Variants in TTC24 observed in about 807,000 individuals in gnomAD.
The protein encoded by TTC24 is tetratricopeptide repeat domain 24.
A neutral mutation model predicts 63.3 loss-of-function variants in TTC24; 54 were observed. The observed-to-expected ratio is 0.85, with a 90% CI of 0.69 to 1.07. TTC24 has a LOEUF of 1.07. Among genes scored for constraint, TTC24 ranks in the 50% least tolerant of loss-of-function variants. The probability of loss-of-function intolerance (pLI) is 0.00; values close to 1 mark genes in which losing one functional copy is unlikely to be tolerated. For synonymous variants in TTC24, 276 were observed against 304.3 expected, an observed-to-expected ratio of 0.91 and a Z score of 0.97; for missense variants, 680 against 730.5, an observed-to-expected ratio of 0.93 and a Z score of 0.80.
intron 8 of TTC24, 191 bp downstream of exon 8, chr1:156,585,422 G>A (rs1677130619): frequency 1.7e-6 from 1 of 598,296 alleles, no homozygotes; most frequent in Non-Finnish European, 3.0e-6. Flanking sequence ...GTCCCCAACA[G>A]CCCTCCCATG....
chr1:156,582,336 A>G lies in TTC24; in HGVS notation c.812A>G (p.Glu271Gly). The G allele has an allele frequency of 6.2e-7, 1 of 1,608,448 alleles. No individual in the cohort carries two copies. The highest frequency in any genetic ancestry group is 8.5e-7 in the Non-Finnish European group (1 of 1,177,604). ...CTGCCCCTGTGCTGGGTGCCAGGAGAGCAGGCCACAGTGCTAAGAAACCTC... is the reference window on the plus strand; with the variant it reads ...CTGCCCCTGTGCTGGGTGCCAGGAGGGCAGGCCACAGTGCTAAGAAACCTC... ...QALPLCWVPG[E>G]QATVLRNLGM... Residue 271 changes from glutamate (E) to glycine (G), a missense_variant, in exon 3 of 11, where the codon GAG becomes GGG. Physicochemically the swap from Glu to Gly is moderately conservative, Grantham distance 98. Transcript: ENST00000368236.
Position 156,583,153 on chromosome 1 carries a change from AGGCTGCCCGGGACTCT to A in TTC24, c.1025_1039+1del, listed in dbSNP as rs777112694. On this transcript the variant is annotated frameshift_variant and splice_region_variant, in exon 4 of 11. Transcript: ENST00000368236. LOFTEE classifies it high-confidence loss of function. The surrounding 1 kb of genome is among the most constrained non-coding windows in gnomAD (Gnocchi z 4.0). ...AGAGACAACTACCTGCATGCCCTGC[AGGCTGCCCGGGACTCT>A]GGTAAGCGTGAGAGGGTTGGGATGT... is the stretch of plus-strand genomic sequence containing the variant. The A allele has an allele frequency of 6.2e-7, 1 of 1,611,878 alleles. No individual in the cohort carries two copies. The highest frequency in any genetic ancestry group is 8.5e-7 in the Non-Finnish European group (1 of 1,179,160).
chr1:156,583,657 A>G lies in TTC24; in HGVS notation c.1153-140A>G. On this transcript the variant is annotated intron_variant, in intron 5 of 10. Transcript: ENST00000368236. This position sits in a 1 kb window ranked among gnomAD's most constrained non-coding sequence, Gnocchi z 4.0. The stretch of plus-strand genomic sequence containing the variant: ...GGGCAGGTGGTGGCAGGACCCTGGG[A>G]AAGGCATGGGGATGGGGTAGAAGAG... 1 of 928,310 alleles carries G rather than the reference A, an allele frequency of 1.1e-6. No individual in the cohort carries two copies. Among genetic ancestry groups the G allele is most frequent in the Non-Finnish European group, 1.7e-6 (1 of 605,288 alleles). 57.5% of individuals were successfully genotyped at this position (928,310 alleles called of 1,614,324 possible).
At chr1:156,581,021 A>C (rs1229653125) in intron 1 of TTC24, among the ~76,000 whole-genome samples, 1 of 152,194 alleles carries the variant, frequency 6.6e-6, no homozygotes, top group Non-Finnish European at 1.5e-5. Flanking sequence ...CAATAAAGTC[A>C]TCAGCTCTGA....
chr1:156,581,679 C>G lies in TTC24; in HGVS notation c.315C>G (p.Ala105=), dbSNP rs1201050232. ...PARGLELLLR[A]HPEEKAQGRR... ...GAGGCCTTGAGCTACTCCTGCGAGC[C>G]CACCCTGAAGAGAAGGCACAGGGCA... is the stretch of plus-strand genomic sequence containing the variant. The change falls in exon 2 of 11, where the codon GCC becomes GCG. Residue 105 remains alanine, a synonymous_variant. Coordinates refer to ENST00000368236, the MANE Select transcript of TTC24 (RefSeq NM_001105669.4). The G allele has an allele frequency of 3.2e-6, 5 of 1,551,752 alleles. No individual in the cohort carries two copies. The highest frequency in any genetic ancestry group is 4.4e-6 in the Non-Finnish European group (5 of 1,147,008).
intron 1 of TTC24, among the ~76,000 whole-genome samples, chr1:156,580,721 C>T (rs1037558814): frequency 1.3e-5 from 2 of 152,138 alleles, no homozygotes; most frequent in Admixed American, 1.3e-4. Flanking sequence ...CGTGATCTGC[C>T]CACCTCAGCC....
Position 156,583,577 on chromosome 1 carries a change from G to A in TTC24, c.1152+127G>A. 2.2e-6 allele frequency: 2 copies of A among 892,108 alleles called. No homozygotes were observed. The highest frequency in any genetic ancestry group is 2.2e-4 in the Middle Eastern group (1 of 4,502). The allele number at this position is 892,108 out of a possible 1,614,324, so 55.3% of individuals were successfully genotyped here. A position where few individuals can be genotyped will look rare whatever the true frequency, so the allele number is the denominator to read the frequency against. On this transcript the variant is annotated intron_variant, in intron 5 of 10. Transcript: ENST00000368236. This position sits in a 1 kb window ranked among gnomAD's most constrained non-coding sequence, Gnocchi z 4.0. ...AGCAAACATGCACTGGACACACTGTGTGCTAGGTCTTGGGATACTATTGTG... is the reference window on the plus strand; with the variant it reads ...AGCAAACATGCACTGGACACACTGTATGCTAGGTCTTGGGATACTATTGTG...
In TTC24 at chr1:156,583,174, A is replaced by G. The variant is rs529047263; in HGVS notation, c.1039+4A>G. The G allele has an allele frequency of 8.7e-6, 14 of 1,609,608 alleles. No individual in the cohort carries two copies. The African/African-American group carries it at 1.8e-4, about 20-fold the overall frequency. ...CTGCAGGCTGCCCGGGACTCTGGTAAGCGTGAGAGGGTTGGGATGTGACTG... is the reference window on the plus strand; with the variant it reads ...CTGCAGGCTGCCCGGGACTCTGGTAGGCGTGAGAGGGTTGGGATGTGACTG... On this transcript the variant is annotated splice_donor_region_variant and intron_variant, in intron 4 of 10. Transcript: ENST00000368236. This position sits in a 1 kb window ranked among gnomAD's most constrained non-coding sequence, Gnocchi z 4.0.
chr1:156,583,502 C>A lies in TTC24; in HGVS notation c.1152+52C>A. On this transcript the variant is annotated intron_variant, in intron 5 of 10. Coordinates refer to ENST00000368236, the MANE Select transcript of TTC24 (RefSeq NM_001105669.4). The surrounding 1 kb of genome is among the most constrained non-coding windows in gnomAD (Gnocchi z 4.0). Reference sequence around the variant, plus strand: ...CTCTCCCCTGCTATCCCTCTTCTGGCTGACATTCCTGCCTTCACTCCTTGT... The same window carrying A: ...CTCTCCCCTGCTATCCCTCTTCTGGATGACATTCCTGCCTTCACTCCTTGT... 7.1e-7 allele frequency: 1 copy of A among 1,413,552 alleles called. No individual in the cohort carries two copies. Among genetic ancestry groups the A allele is most frequent in the Non-Finnish European group, 9.6e-7 (1 of 1,040,650 alleles). The allele number at this position is 1,413,552 out of a possible 1,614,324, so 87.6% of individuals were successfully genotyped here. A position where few individuals can be genotyped will look rare whatever the true frequency, so the allele number is the denominator to read the frequency against.
Position 156,583,551 on chromosome 1 carries a change from C to A in TTC24, c.1152+101C>A. 1 of 1,014,468 alleles carries A rather than the reference C, an allele frequency of 9.9e-7. No individual in the cohort carries two copies. The highest frequency in any genetic ancestry group is 1.4e-6 in the Non-Finnish European group (1 of 690,170). The allele number at this position is 1,014,468 out of a possible 1,614,324, so 62.8% of individuals were successfully genotyped here. A position where few individuals can be genotyped will look rare whatever the true frequency, so the allele number is the denominator to read the frequency against. ...GTCTTCTCCCCATCACTCACTCAAT[C>A]AGCAAACATGCACTGGACACACTGT... On this transcript the variant is annotated intron_variant, in intron 5 of 10. Coordinates refer to ENST00000368236, the MANE Select transcript of TTC24 (RefSeq NM_001105669.4). The surrounding 1 kb of genome is among the most constrained non-coding windows in gnomAD (Gnocchi z 4.0).
Position 156,586,748 on chromosome 1 carries a change from T to C in TTC24, c.*198T>C, listed in dbSNP as rs1677186789. The C allele has an allele frequency of 2.3e-6, 1 of 434,426 alleles. No homozygotes were observed. The highest frequency in any genetic ancestry group is 6.5e-5 in the South Asian group (1 of 15,316). The allele number at this position is 434,426 out of a possible 1,614,324, so 26.9% of individuals were successfully genotyped here. On this transcript the variant is annotated 3_prime_UTR_variant, in exon 11 of 11. Coordinates refer to ENST00000368236, the MANE Select transcript of TTC24 (RefSeq NM_001105669.4). ...CTGAGAGGTTCTGTTTGTTCCTCCTTGGGATTTTTGGACTCAGTAGGTAAA... is the reference window on the plus strand; with the variant it reads ...CTGAGAGGTTCTGTTTGTTCCTCCTCGGGATTTTTGGACTCAGTAGGTAAA...
At chr1:156,582,786 G>A (rs1057336477) in intron 3 of TTC24, among the ~76,000 whole-genome samples, 6 of 152,190 alleles carry the variant, frequency 3.9e-5, no homozygotes, top group African/African-American at 1.4e-4. Flanking sequence ...TTTTAAAAAC[G>A]GGGCCATTAA....
In TTC24 at chr1:156,583,792, C is replaced by T; in HGVS notation, c.1153-5C>T. 6.4e-7 allele frequency: 1 copy of T among 1,573,930 alleles called. No individual in the cohort carries two copies. Among genetic ancestry groups the T allele is most frequent in the Non-Finnish European group, 8.6e-7 (1 of 1,159,688 alleles). On this transcript the variant is annotated splice_polypyrimidine_tract_variant and splice_region_variant and intron_variant, in intron 5 of 10. Transcript: ENST00000368236. This position sits in a 1 kb window ranked among gnomAD's most constrained non-coding sequence, Gnocchi z 4.0. ...CCATTACCCTATTATCCACCCTCTT[C>T]CCAGAAGGAGCCAGATTCTGTGCGA...
Position 156,585,948 on chromosome 1 carries a change from G to C in TTC24, c.1571-1G>C. On this transcript the variant is annotated splice_acceptor_variant, in intron 9 of 10. Transcript: ENST00000368236. LOFTEE classifies it high-confidence loss of function. ...GAATGTGTCTGTCCTTCTCCATCTA[G>C]GTCCAGGACCCAGGGCCCATCTTCC... 1.9e-6 allele frequency: 3 copies of C among 1,603,840 alleles called. No homozygotes were observed. Among genetic ancestry groups the C allele is most frequent in the Non-Finnish European group, 2.6e-6 (3 of 1,174,686 alleles).
chr1:156,585,950 T>C lies in TTC24; in HGVS notation c.1572T>C (p.Ser524=). 6.2e-7 allele frequency: 1 copy of C among 1,603,066 alleles called. No homozygotes were observed. The highest frequency in any genetic ancestry group is 8.5e-7 in the Non-Finnish European group (1 of 1,174,254). The part of the protein sequence containing the change: ...GTVLGKASIY[S]PGPRAHLPFV... ...ATGTGTCTGTCCTTCTCCATCTAGG[T>C]CCAGGACCCAGGGCCCATCTTCCAT... Residue 524 remains serine (S), a splice_region_variant and synonymous_variant, in exon 10 of 11, where the codon AGT becomes AGC. Transcript: ENST00000368236.
chr1:156,584,829 A>C, intron 6 of TTC24, 48 bp from the exon 7 acceptor site: 4 of 1,331,860 alleles, frequency 3.0e-6, no homozygotes, highest in East Asian at 2.6e-5. Context: ...CGTAGCTGGG[A>C]TGGCCGTTTT....
chr1:156,586,298 G>A (rs1275470263), intron 10 of TTC24, among the ~76,000 whole-genome samples, 171 bp from the exon 11 acceptor site: 1 of 152,110 alleles, frequency 6.6e-6, no homozygotes, highest in Non-Finnish European at 1.5e-5. Flanking sequence ...GTGAAAGACA[G>A]GGTGCTGCAG....
chr1:156,582,152 C>T, intron 2 of TTC24, 79 bp from the exon 3 acceptor site: 1 of 1,470,492 alleles, frequency 6.8e-7, no homozygotes, highest in Non-Finnish European at 9.0e-7. Flanking sequence ...TTTGGGGAAC[C>T]CTGGAGGAGT....
In TTC24 at chr1:156,586,846, A is replaced by G; in HGVS notation, c.*296A>G. ...ATCTTACGATTGCTAGGGGCCTGGC[A>G]GTTCTAAAAACTGACTTCGTGGTCA... On this transcript the variant is annotated 3_prime_UTR_variant, in exon 11 of 11. Transcript: ENST00000368236. 3.8e-6 allele frequency: 1 copy of G among 265,670 alleles called. No individual in the cohort carries two copies. 16.5% of individuals were successfully genotyped at this position (265,670 alleles called of 1,614,324 possible). A position where few individuals can be genotyped will look rare whatever the true frequency, so the allele number is the denominator to read the frequency against.
Sources: allele counts gnomAD v4.1 joint callset (sites outside exome capture counted in the v4.1 genomes callset), GRCh38; gene constraint gnomAD v4.1.1; non-coding constraint Gnocchi (gnomAD v3.1); transcripts MANE v1.5; gene names NCBI Gene and HGNC (gene_info 2026-07-23, HGNC 2026-07-21).